CNTN4: variants seen among roughly 807,000 people sequenced by gnomAD.
The protein encoded by CNTN4 is contactin 4, also known as contactin-4.
CNTN4 carries 77 observed loss-of-function variants against 122.5 expected under a neutral mutation model. That is an observed-to-expected ratio of 0.63 (90% CI 0.52 to 0.76). The LOEUF (loss-of-function observed/expected upper bound fraction) is 0.76. Ranked by LOEUF, CNTN4 falls within the 30% of genes least tolerant of loss-of-function variation. CNTN4 has a pLI of 0.00. For synonymous variants in CNTN4, 512 were observed against 447.0 expected, an observed-to-expected ratio of 1.15 and a Z score of -1.83; for missense variants, 1,256 against 1,259.1, an observed-to-expected ratio of 1.00 and a Z score of 0.04.
chr3:2,289,802 A>G (rs1271816337), intron 2 of CNTN4, among the ~76,000 whole-genome samples: 1 of 152,198 alleles, frequency 6.6e-6, no homozygotes, highest in East Asian at 1.9e-4. Flanking sequence ...CACTTACTGC[A>G]TTTCTAAGAA....
chr3:2,576,165 C>G (rs1279155206), intron 4 of CNTN4, among the ~76,000 whole-genome samples: 1 of 152,144 alleles, frequency 6.6e-6, no homozygotes, highest in African/African-American at 2.4e-5. Flanking sequence ...AATAACTTTC[C>G]CTACTAGACT....
chr3:2,159,125 A>G lies in CNTN4; in HGVS notation c.-145+58486A>G, dbSNP rs570353224. 2.0e-5 allele frequency among the ~76,000 whole-genome samples: 3 copies of G among 152,310 alleles called. No individual in the cohort carries two copies. In the East Asian group the frequency reaches 5.8e-4, roughly 29 times the overall value. Reference sequence around the variant, plus strand: ...CTTCCTGGAGCACCTTGACTCTCTTAGCACCATACAGGATCTGATCTGAGA... The same window carrying G: ...CTTCCTGGAGCACCTTGACTCTCTTGGCACCATACAGGATCTGATCTGAGA... On this transcript the variant is annotated intron_variant, in intron 2 of 24. Coordinates refer to ENST00000418658, the MANE Select transcript of CNTN4 (RefSeq NM_175607.3).
intron 3 of CNTN4, among the ~76,000 whole-genome samples, chr3:2,566,026 C>A (rs540376669): frequency 5.9e-5 from 9 of 152,186 alleles, no homozygotes; most frequent in African/African-American, 9.7e-5. Context: ...TCTGAATTAA[C>A]ACTAGTGAAA....
At chr3:2,259,786 G>A (rs1327291928) in intron 2 of CNTN4, among the ~76,000 whole-genome samples, 4 of 152,224 alleles carry the variant, frequency 2.6e-5, no homozygotes, top group African/African-American at 4.8e-5. Flanking sequence ...AGATTTGGGC[G>A]GGGGACGCAG....
intron 14 of CNTN4, among the ~76,000 whole-genome samples, chr3:3,009,873 C>T: frequency 6.6e-6 from 1 of 151,360 alleles, no homozygotes. Context: ...AGATGAAGTT[C>T]ATTGACTAAG....
chr3:2,903,474 T>G (rs1201503663), intron 12 of CNTN4, among the ~76,000 whole-genome samples: 1 of 152,122 alleles, frequency 6.6e-6, no homozygotes, highest in Non-Finnish European at 1.5e-5. Flanking sequence ...GTGTGCCACT[T>G]CCTCCCTCCT....
chr3:2,387,083 G>A (rs1170544936), intron 3 of CNTN4, among the ~76,000 whole-genome samples: 1 of 152,072 alleles, frequency 6.6e-6, no homozygotes, highest in Non-Finnish European at 1.5e-5. Context: ...GTCTACTATA[G>A]TAATAAATAA....
At chr3:2,528,597 A>G (rs2077484003) in intron 3 of CNTN4, among the ~76,000 whole-genome samples, 1 of 152,174 alleles carries the variant, frequency 6.6e-6, no homozygotes, top group East Asian at 1.9e-4. Context: ...GTAATTTTTT[A>G]AAAGCACTTT....
chr3:2,594,031 G>A (rs77553911), intron 4 of CNTN4, among the ~76,000 whole-genome samples: 2,785 of 152,182 alleles, frequency 0.018, 178 homozygotes, highest in East Asian at 0.18. Context: ...TGAAGACCTT[G>A]ACTTATTTGA....
chr3:2,443,148 TA>T lies in CNTN4; in HGVS notation c.-89+103930del, dbSNP rs10576200. Among the ~76,000 whole-genome samples, 1,075 of 139,712 alleles carry T rather than the reference TA, an allele frequency of 7.7e-3. 3 individuals carry two copies. The highest frequency in any genetic ancestry group is 0.014 in the African/African-American group (548 of 37,838). The allele number at this position is 139,712 out of a possible 152,430, so 91.7% of individuals were successfully genotyped here. A position where few individuals can be genotyped will look rare whatever the true frequency, so the allele number is the denominator to read the frequency against. ...GTACCTCGAAACCTCAAATAAAAGT[TA>T]AAAAAAAAAAAAAAGAAGAAAAGTA... On this transcript the variant is annotated intron_variant, in intron 3 of 24. Transcript: ENST00000418658.
At chr3:2,982,613 C>G (rs1025671501) in intron 13 of CNTN4, among the ~76,000 whole-genome samples, 1 of 152,150 alleles carries the variant, frequency 6.6e-6, no homozygotes, top group Non-Finnish European at 1.5e-5. Flanking sequence ...GCAATCCCAG[C>G]AGAAAGAGAT....
chr3:2,299,174 G>T (rs965890802), intron 2 of CNTN4, among the ~76,000 whole-genome samples: 1 of 152,092 alleles, frequency 6.6e-6, no homozygotes, highest in Non-Finnish European at 1.5e-5. Flanking sequence ...AATGATAAGA[G>T]AATTAATCCA....
At chr3:2,387,394 G>C (rs1285182455) in intron 3 of CNTN4, among the ~76,000 whole-genome samples, 1 of 145,848 alleles carries the variant, frequency 6.9e-6, no homozygotes, top group Non-Finnish European at 1.6e-5. Context: ...AAAAATAAGT[G>C]TACAGCACTT....
At chr3:2,834,677 A>G (rs2150411324) in intron 7 of CNTN4, among the ~76,000 whole-genome samples, 1 of 152,260 alleles carries the variant, frequency 6.6e-6, no homozygotes, top group African/African-American at 2.4e-5. Context: ...TATGACAGAT[A>G]TGAGTGTGTG....
chr3:2,274,794 A>C (rs2041437404), intron 2 of CNTN4, among the ~76,000 whole-genome samples: 2 of 152,170 alleles, frequency 1.3e-5, no homozygotes, highest in South Asian at 2.1e-4. Flanking sequence ...CTTCCGAGTA[A>C]AAATGTTAAA....
chr3:2,668,580 T>A (rs2084311419), intron 4 of CNTN4, among the ~76,000 whole-genome samples: 2 of 152,166 alleles, frequency 1.3e-5, no homozygotes, highest in East Asian at 3.9e-4. Context: ...TGAATACCCT[T>A]TATTTCCTTC....
chr3:2,431,971 C>T (rs1427060743), intron 3 of CNTN4, among the ~76,000 whole-genome samples: 7 of 152,198 alleles, frequency 4.6e-5, no homozygotes, highest in Non-Finnish European at 1.0e-4. Flanking sequence ...GCCAGATTAT[C>T]TCATCTATCT....
chr3:2,871,839 T>C (rs1440011767), intron 8 of CNTN4, among the ~76,000 whole-genome samples: 1 of 152,210 alleles, frequency 6.6e-6, no homozygotes, highest in East Asian at 1.9e-4. Context: ...CTTTGCAGTA[T>C]TCACTTCTGG....
At chr3:2,575,106 G>T (rs571637360) in intron 4 of CNTN4, among the ~76,000 whole-genome samples, 1 of 151,980 alleles carries the variant, frequency 6.6e-6, no homozygotes, top group South Asian at 2.1e-4. Context: ...AACATTTAAG[G>T]TTCTGGATAT....
Sources: gnomAD v4.1 joint callset for allele counts (sites outside exome capture counted in the v4.1 genomes callset) on GRCh38, gnomAD v4.1.1 for gene constraint, MANE v1.5 for transcripts, NCBI Gene and HGNC (gene_info 2026-07-23, HGNC 2026-07-21) for gene names.